Variants in AGBL4 observed in about 807,000 individuals in gnomAD.
AGBL4 encodes AGBL carboxypeptidase 4, also known as cytosolic carboxypeptidase 6.
A neutral mutation model predicts 66.4 loss-of-function variants in AGBL4; 58 were observed. The observed-to-expected ratio is 0.87, with a 90% confidence interval of 0.71 to 1.09. The LOEUF is 1.09. Ranked by LOEUF, AGBL4 falls within the 50% of genes least tolerant of loss-of-function variation. The pLI, the probability that AGBL4 is intolerant of heterozygous loss-of-function variation, is 0.00. For synonymous variants in AGBL4, 234 were observed against 222.9 expected, an observed-to-expected ratio of 1.05 and a Z score of -0.44; for missense variants, 579 against 631.0, an observed-to-expected ratio of 0.92 and a Z score of 0.88.
At chr1:48,935,706 T>G (rs1331763994) in intron 5 of AGBL4, among the ~76,000 whole-genome samples, 2 of 151,408 alleles carry the variant, frequency 1.3e-5, no homozygotes, top group Non-Finnish European at 2.9e-5. Flanking sequence ...ACCTGTAATC[T>G]CAGCACTTTG....
intron 3 of AGBL4, among the ~76,000 whole-genome samples, chr1:49,599,532 T>G (rs1396907173): frequency 6.6e-6 from 1 of 152,152 alleles, no homozygotes; most frequent in African/African-American, 2.4e-5. Context: ...TGGTGAGCAG[T>G]CTATCTATTT....
chr1:48,615,367 T>C (rs1366851157), intron 9 of AGBL4, among the ~76,000 whole-genome samples: 2 of 152,110 alleles, frequency 1.3e-5, no homozygotes, highest in Admixed American at 1.3e-4. Context: ...CTTACCAAGA[T>C]GTAGGGAGGG....
chr1:48,907,713 T>C (rs181649900), intron 5 of AGBL4, among the ~76,000 whole-genome samples: 285 of 152,296 alleles, frequency 1.9e-3, no homozygotes, highest in Non-Finnish European at 2.2e-3. Context: ...TCAGTCATAA[T>C]ATAGGTGCTA....
chr1:49,162,060 C>A (rs1436899555), intron 4 of AGBL4, among the ~76,000 whole-genome samples: 1 of 152,126 alleles, frequency 6.6e-6, no homozygotes, highest in Non-Finnish European at 1.5e-5. Flanking sequence ...ATCTGGGCAA[C>A]AGAGATAGGG....
At chr1:49,683,385 G>A (rs1202563410) in intron 3 of AGBL4, among the ~76,000 whole-genome samples, 1 of 151,616 alleles carries the variant, frequency 6.6e-6, no homozygotes, top group Non-Finnish European at 1.5e-5. Flanking sequence ...CAAGATAATA[G>A]TAAGTAATAA....
rs74380025 is a variant in AGBL4, at chr1:49,228,519, T to C, written c.377+17251A>G. On this transcript the variant is annotated intron_variant, in intron 4 of 13. Transcript: ENST00000371839. ...GTCAAAAGAGGTGAGGGAATTGCTA[T>C]GTGAATATCTAAGAAACTTTCCAGG... 4.1e-3 allele frequency among the ~76,000 whole-genome samples: 631 copies of C among 152,210 alleles called. 3 individuals are homozygous for C. The highest frequency in any genetic ancestry group is 6.8e-3 in the Middle Eastern group (2 of 292).
chr1:49,938,101 A>C (rs1469441222), intron 1 of AGBL4, among the ~76,000 whole-genome samples: 2 of 149,970 alleles, frequency 1.3e-5, no homozygotes, highest in Non-Finnish European at 3.0e-5. Flanking sequence ...ACCGCTAGCA[A>C]GACTAATAAA....
chr1:49,454,091 C>T (rs1646338287), intron 3 of AGBL4, among the ~76,000 whole-genome samples: 1 of 151,664 alleles, frequency 6.6e-6, no homozygotes, highest in Admixed American at 6.6e-5. Flanking sequence ...CTTGAAGCTG[C>T]TGGAGATGTG....
intron 3 of AGBL4, among the ~76,000 whole-genome samples, chr1:49,407,901 T>A (rs1645237785): frequency 6.6e-6 from 1 of 152,296 alleles, no homozygotes; most frequent in East Asian, 1.9e-4. Context: ...AGGTCTGTAT[T>A]TAAATATAGC....
At chr1:49,222,460 A>G (rs1174333015) in intron 4 of AGBL4, among the ~76,000 whole-genome samples, 1 of 152,228 alleles carries the variant, frequency 6.6e-6, no homozygotes, top group Non-Finnish European at 1.5e-5. Context: ...CACGTTCTGC[A>G]TATAAAATTT....
chr1:49,201,223 A>C (rs11205608), intron 4 of AGBL4, among the ~76,000 whole-genome samples: 62,405 of 152,090 alleles, frequency 0.41, 16,275 homozygotes, highest in Non-Finnish European at 0.58. Flanking sequence ...CACTCTGGGC[A>C]ACAACTCCTC....
chr1:49,569,989 A>C (rs1406626329), intron 3 of AGBL4, among the ~76,000 whole-genome samples: 1 of 152,110 alleles, frequency 6.6e-6, no homozygotes, highest in African/African-American at 2.4e-5. Context: ...TCTGTTGATG[A>C]ACACTTAGGT....
At chr1:49,154,820 GA>G (rs1646400982) in intron 4 of AGBL4, among the ~76,000 whole-genome samples, 1 of 152,014 alleles carries the variant, frequency 6.6e-6, no homozygotes, top group African/African-American at 2.4e-5. Context: ...ATTTGTAGCT[GA>G]AAACTTAATT....
rs183887343 is a variant in AGBL4 at position 48,903,997 on chromosome 1, G to A, written c.595-36767C>T. ...CCTGCAGCATTAATAAAATGATCTC[G>A]GCCAGGCATGGTGGCTCACAGCTGC... On this transcript the variant is annotated intron_variant, in intron 5 of 13. Coordinates refer to ENST00000371839, the MANE Select transcript of AGBL4 (RefSeq NM_032785.4). 1.6e-4 allele frequency among the ~76,000 whole-genome samples: 24 copies of A among 152,238 alleles called. No individual in the cohort carries two copies. The East Asian group carries it at 2.5e-3, about 16-fold the overall frequency.
chr1:49,286,816 C>A (rs1228155358), intron 3 of AGBL4, among the ~76,000 whole-genome samples: 1 of 152,056 alleles, frequency 6.6e-6, no homozygotes, highest in Non-Finnish European at 1.5e-5. Flanking sequence ...CAATGCCATC[C>A]CCATCAAGCT....
chr1:48,905,317 T>C (rs996433250), intron 5 of AGBL4, among the ~76,000 whole-genome samples: 21 of 152,208 alleles, frequency 1.4e-4, no homozygotes, highest in African/African-American at 1.2e-4. Flanking sequence ...TTACCACTTA[T>C]GGTAAAAATT....
At chr1:49,948,468 T>C (rs1655716635) in intron 1 of AGBL4, among the ~76,000 whole-genome samples, 1 of 95,626 alleles carries the variant, frequency 1.0e-5, no homozygotes, top group Non-Finnish European at 2.1e-5. Flanking sequence ...TAGATAAATA[T>C]ATAAATATAT....
At chr1:49,836,473 C>A (rs568726453) in intron 2 of AGBL4, among the ~76,000 whole-genome samples, 1 of 152,234 alleles carries the variant, frequency 6.6e-6, no homozygotes, top group East Asian at 1.9e-4. Context: ...TTAGCAATTC[C>A]TCTGTCCTTT....
At chr1:49,293,866 A>G (rs1644591271) in intron 3 of AGBL4, among the ~76,000 whole-genome samples, 1 of 152,252 alleles carries the variant, frequency 6.6e-6, no homozygotes, top group Non-Finnish European at 1.5e-5. Flanking sequence ...TGCTTTAATT[A>G]GGACAATAGG....
Sources: allele counts gnomAD v4.1 joint callset (sites outside exome capture counted in the v4.1 genomes callset), GRCh38; gene constraint gnomAD v4.1.1; transcripts MANE v1.5; gene names NCBI Gene and HGNC (gene_info 2026-07-23, HGNC 2026-07-21).